GALNTL6: variants seen among roughly 807,000 people sequenced by gnomAD.
GALNTL6 encodes polypeptide N-acetylgalactosaminyltransferase-like 6.
A neutral mutation model predicts 73.7 loss-of-function variants in GALNTL6; 46 were observed. The observed-to-expected ratio is 0.62, with a 90% confidence interval of 0.49 to 0.80. GALNTL6 has a LOEUF of 0.80. Among genes scored for constraint, GALNTL6 ranks in the 30% least tolerant of loss-of-function variants. The pLI is 0.00. For synonymous variants in GALNTL6, 259 were observed against 263.7 expected, an observed-to-expected ratio of 0.98 and a Z score of 0.17; for missense variants, 604 against 755.0, an observed-to-expected ratio of 0.80 and a Z score of 2.34.
intron 8 of GALNTL6, among the ~76,000 whole-genome samples, chr4:172,919,246 G>T (rs1270176300): frequency 6.6e-6 from 1 of 152,186 alleles, no homozygotes; most frequent in African/African-American, 2.4e-5. Flanking sequence ...CAAAAGTCAG[G>T]AAAATGGATG....
chr4:172,095,793 A>G (rs1358997999), intron 2 of GALNTL6, among the ~76,000 whole-genome samples: 2 of 152,198 alleles, frequency 1.3e-5, no homozygotes, highest in Admixed American at 1.3e-4. Flanking sequence ...GTGGGAGGAA[A>G]TTACTGTTCT....
intron 2 of GALNTL6, among the ~76,000 whole-genome samples, chr4:172,041,771 C>T (rs781543870): frequency 1.3e-4 from 19 of 151,982 alleles, no homozygotes; most frequent in Admixed American, 3.3e-4. Flanking sequence ...GGATGAAAGA[C>T]GGCCGCAAAT....
chr4:172,822,976 A>G (rs1742023133), intron 7 of GALNTL6, among the ~76,000 whole-genome samples: 1 of 152,070 alleles, frequency 6.6e-6, no homozygotes, highest in Non-Finnish European at 1.5e-5. Flanking sequence ...GTCCTCTAGG[A>G]TATAATGCCC....
intron 5 of GALNTL6, among the ~76,000 whole-genome samples, chr4:172,788,814 G>T (rs2110921900): frequency 6.6e-6 from 1 of 152,196 alleles, no homozygotes; most frequent in South Asian, 2.1e-4. Context: ...GGCACAGATA[G>T]GCTGGTCTTG....
At chr4:172,182,004 ACCGCG>A (rs1735262308) in intron 2 of GALNTL6, among the ~76,000 whole-genome samples, 3 of 152,156 alleles carry the variant, frequency 2.0e-5, no homozygotes, top group Admixed American at 2.0e-4. Flanking sequence ...GGAGTGAGCC[ACCGCG>A]CCCGGCCTTC....
chr4:172,660,152 C>T (rs188371251), intron 5 of GALNTL6, among the ~76,000 whole-genome samples: 11 of 152,274 alleles, frequency 7.2e-5, no homozygotes, highest in Admixed American at 5.2e-4. Flanking sequence ...GCCAAGATCA[C>T]AAAGTTAGTG....
intron 2 of GALNTL6, among the ~76,000 whole-genome samples, chr4:172,207,029 G>A (rs573876500): frequency 1.3e-5 from 2 of 151,376 alleles, no homozygotes; most frequent in South Asian, 2.1e-4. Flanking sequence ...ATGTTAGCCA[G>A]GATGATCTCA....
intron 3 of GALNTL6, among the ~76,000 whole-genome samples, chr4:172,304,453 G>A (rs1166731320): frequency 6.6e-6 from 1 of 151,100 alleles, no homozygotes; most frequent in Non-Finnish European, 1.5e-5. Flanking sequence ...TGGGAAATAG[G>A]TCCTGATGTC....
rs539377911 is a variant in GALNTL6, at chr4:172,238,552, T to C, written c.247+8788T>C. Among the ~76,000 whole-genome samples, 42 of 150,952 alleles carry C rather than the reference T, an allele frequency of 2.8e-4. 1 individual carries two copies. In the South Asian group the frequency reaches 8.5e-3, roughly 31 times the overall value. On this transcript the variant is annotated intron_variant, in intron 3 of 12. Coordinates refer to ENST00000506823, the MANE Select transcript of GALNTL6 (RefSeq NM_001034845.3). ...AAATTATATTGACTGCAAAGAGGAA[T>C]AGTTTGACTTCCTCTCTTTCTATTT... is the stretch of plus-strand genomic sequence containing the variant.
chr4:172,363,640 A>G (rs1195816795), intron 5 of GALNTL6, among the ~76,000 whole-genome samples: 1 of 152,160 alleles, frequency 6.6e-6, no homozygotes, highest in East Asian at 1.9e-4. Context: ...GTTTATATCT[A>G]TCTTTACTAC....
intron 5 of GALNTL6, among the ~76,000 whole-genome samples, chr4:172,377,296 C>T (rs1221637145): frequency 2.6e-5 from 4 of 151,976 alleles, no homozygotes; most frequent in Non-Finnish European, 5.9e-5. Context: ...TTACAATCCT[C>T]TAGCTAGACA....
intron 5 of GALNTL6, among the ~76,000 whole-genome samples, chr4:172,400,575 G>A (rs1005623704): frequency 6.6e-6 from 1 of 152,098 alleles, no homozygotes; most frequent in Non-Finnish European, 1.5e-5. Flanking sequence ...GACTTTACAC[G>A]AACTTGTGAT....
At chr4:172,735,903 G>A (rs765649639) in intron 5 of GALNTL6, among the ~76,000 whole-genome samples, 1 of 152,200 alleles carries the variant, frequency 6.6e-6, no homozygotes, top group Non-Finnish European at 1.5e-5. Context: ...CATGTCGGCA[G>A]GTTCCGTGAT....
chr4:172,281,954 T>C (rs1482346375), intron 3 of GALNTL6, among the ~76,000 whole-genome samples: 1 of 152,086 alleles, frequency 6.6e-6, no homozygotes, highest in Non-Finnish European at 1.5e-5. Flanking sequence ...GTGGCCTTAA[T>C]TGACTGATAG....
chr4:172,957,124 G>C (rs1161417242), intron 10 of GALNTL6, among the ~76,000 whole-genome samples: 2 of 152,178 alleles, frequency 1.3e-5, no homozygotes, highest in African/African-American at 4.8e-5. Flanking sequence ...AAGCCAATTT[G>C]CCAGTCCTGG....
intron 5 of GALNTL6, among the ~76,000 whole-genome samples, chr4:172,478,769 A>G (rs1224371263): frequency 6.6e-6 from 1 of 152,220 alleles, no homozygotes; most frequent in Non-Finnish European, 1.5e-5. Flanking sequence ...AAAAAAGACT[A>G]ATATCCAGAA....
chr4:172,590,138 G>C (rs1192992820), intron 5 of GALNTL6, among the ~76,000 whole-genome samples: 2 of 152,134 alleles, frequency 1.3e-5, no homozygotes, highest in Non-Finnish European at 2.9e-5. Flanking sequence ...ACTCTCCTCT[G>C]TTTTCCAAAA....
At chr4:172,191,820 T>A (rs2110879970) in intron 2 of GALNTL6, among the ~76,000 whole-genome samples, 1 of 152,300 alleles carries the variant, frequency 6.6e-6, no homozygotes, top group East Asian at 1.9e-4. Context: ...GGAATTCATT[T>A]TTTCACTTAT....
chr4:172,370,039 A>G (rs1038848810), intron 5 of GALNTL6, among the ~76,000 whole-genome samples: 2 of 152,150 alleles, frequency 1.3e-5, no homozygotes, highest in East Asian at 3.9e-4. Flanking sequence ...CTGCCTCTAA[A>G]CAGGACACCC....
Sources: gnomAD v4.1 joint callset for allele counts (sites outside exome capture counted in the v4.1 genomes callset) on GRCh38, gnomAD v4.1.1 for gene constraint, MANE v1.5 for transcripts, NCBI Gene and HGNC (gene_info 2026-07-23, HGNC 2026-07-21) for gene names.